DSCAM: variants seen among roughly 807,000 people sequenced by gnomAD.
DSCAM encodes the protein cell adhesion molecule DSCAM.
DSCAM carries 47 observed loss-of-function variants against 217.7 expected under a neutral mutation model. The observed-to-expected ratio is 0.22, with a 90% CI of 0.17 to 0.28. The LOEUF is 0.28. DSCAM is among the 10% of genes least tolerant of loss of function. DSCAM has a pLI of 1.00. For missense variants in DSCAM, 2,080 were observed against 2,618.3 expected (o/e 0.79, Z 4.49); for synonymous variants, 1,056 against 1,015.3 (o/e 1.04, Z -0.76).
At chr21:40,498,311 A>T (rs1409519080) in intron 3 of DSCAM, among the ~76,000 whole-genome samples, 1 of 151,956 alleles carries the variant, frequency 6.6e-6, no homozygotes, top group African/African-American at 2.4e-5. Flanking sequence ...CCTCAGTTTG[A>T]TTATCTAAAA....
At chr21:40,298,360 C>T (rs1358805137) in intron 9 of DSCAM, among the ~76,000 whole-genome samples, 1 of 151,998 alleles carries the variant, frequency 6.6e-6, no homozygotes, top group Non-Finnish European at 1.5e-5. Context: ...GGATTACAGG[C>T]GTGAGCCACT....
intron 3 of DSCAM, among the ~76,000 whole-genome samples, chr21:40,662,360 C>G (rs751816727): frequency 1.1e-4 from 16 of 152,108 alleles, no homozygotes; most frequent in Non-Finnish European, 1.9e-4. Context: ...CTTGCTTAAA[C>G]AGCATGAGTT....
chr21:40,702,848 C>T (rs189968278), intron 2 of DSCAM, among the ~76,000 whole-genome samples: 1 of 152,180 alleles, frequency 6.6e-6, no homozygotes, highest in East Asian at 1.9e-4. Context: ...CATCTATATT[C>T]AGGTGACATT....
intron 3 of DSCAM, among the ~76,000 whole-genome samples, chr21:40,524,176 G>A (rs925508260): frequency 6.6e-6 from 1 of 152,028 alleles, no homozygotes; most frequent in Non-Finnish European, 1.5e-5. Context: ...AGAAAATTTA[G>A]ATCATGAGCA....
intron 2 of DSCAM, among the ~76,000 whole-genome samples, chr21:40,707,150 G>A (rs369470212): frequency 9.2e-5 from 14 of 152,164 alleles, no homozygotes; most frequent in African/African-American, 2.2e-4. Context: ...GGATTAATAC[G>A]CACAGATGGA....
intron 21 of DSCAM, 129 bp from the exon 22 acceptor site, chr21:40,087,416 CA>C: frequency 1.5e-6 from 1 of 678,476 alleles, no homozygotes; most frequent in Non-Finnish European, 2.7e-6. Flanking sequence ...CAACTGTCAA[CA>C]CTACTCTCTG....
intron 3 of DSCAM, among the ~76,000 whole-genome samples, chr21:40,641,744 T>A (rs564814208): frequency 2.0e-5 from 3 of 152,164 alleles, no homozygotes; most frequent in Non-Finnish European, 4.4e-5. Context: ...TACACACTGA[T>A]AAAAGCCAAG....
intron 3 of DSCAM, among the ~76,000 whole-genome samples, chr21:40,504,445 G>A (rs1206053154): frequency 1.3e-5 from 2 of 152,140 alleles, no homozygotes; most frequent in Admixed American, 6.5e-5. Flanking sequence ...CAGTCCACCT[G>A]TCACTGAGAA....
intron 3 of DSCAM, among the ~76,000 whole-genome samples, chr21:40,374,739 G>A (rs1403147964): frequency 2.0e-5 from 3 of 152,168 alleles, no homozygotes. Flanking sequence ...TGATTATAAG[G>A]GTGGGACCAG....
At chr21:40,446,417 G>A (rs910501818) in intron 3 of DSCAM, among the ~76,000 whole-genome samples, 1 of 152,168 alleles carries the variant, frequency 6.6e-6, no homozygotes, top group African/African-American at 2.4e-5. Context: ...CATCTTGGAT[G>A]TTGTCAGTGG....
At chr21:40,457,263 G>A (rs2075771347) in intron 3 of DSCAM, among the ~76,000 whole-genome samples, 1 of 152,204 alleles carries the variant, frequency 6.6e-6, no homozygotes, top group Non-Finnish European at 1.5e-5. Context: ...TGTAACCTCA[G>A]CACTTCGGAA....
intron 3 of DSCAM, among the ~76,000 whole-genome samples, chr21:40,406,305 T>C (rs1350563147): frequency 6.6e-6 from 1 of 152,220 alleles, no homozygotes; most frequent in Non-Finnish European, 1.5e-5. Context: ...AGTTGGTATT[T>C]ATCCAAAGGA....
chr21:40,483,437 T>A (rs1201572369), intron 3 of DSCAM, among the ~76,000 whole-genome samples: 1 of 152,210 alleles, frequency 6.6e-6, no homozygotes, highest in African/African-American at 2.4e-5. Flanking sequence ...GGCTTGGTTT[T>A]AGTGTCACTG....
chr21:40,101,313 C>A (rs536212746), intron 20 of DSCAM, among the ~76,000 whole-genome samples: 5 of 152,324 alleles, frequency 3.3e-5, no homozygotes, highest in South Asian at 2.1e-4. Flanking sequence ...TTAATCACTT[C>A]TCAATTGAAA....
At chr21:40,468,569 T>A (rs2075863306) in intron 3 of DSCAM, among the ~76,000 whole-genome samples, 2 of 151,858 alleles carry the variant, frequency 1.3e-5, no homozygotes, top group Admixed American at 1.3e-4. Context: ...GGTTTTGGGG[T>A]TTGGAGTGGG....
chr21:40,420,944 T>A (rs1269584724), intron 3 of DSCAM, among the ~76,000 whole-genome samples: 2 of 152,172 alleles, frequency 1.3e-5, no homozygotes, highest in Non-Finnish European at 2.9e-5. Flanking sequence ...TTTCTTTCGC[T>A]GTAAGCCACT....
At chr21:40,423,433 A>C (rs948997451) in intron 3 of DSCAM, among the ~76,000 whole-genome samples, 1 of 152,202 alleles carries the variant, frequency 6.6e-6, no homozygotes, top group African/African-American at 2.4e-5. Flanking sequence ...CCCAAGGGGA[A>C]GGAGGGCACT....
chr21:40,232,104 G>A (rs193116236), intron 11 of DSCAM, among the ~76,000 whole-genome samples: 12 of 152,246 alleles, frequency 7.9e-5, no homozygotes, highest in Admixed American at 5.2e-4. Context: ...AACAGTGCAT[G>A]TTTACAGAAT....
At chr21:40,668,423 A>C (rs1479308921) in intron 3 of DSCAM, among the ~76,000 whole-genome samples, 1 of 152,238 alleles carries the variant, frequency 6.6e-6, no homozygotes, top group East Asian at 1.9e-4. Flanking sequence ...GCTGGAGCCC[A>C]AGCCCAGACC....
Sources: allele counts gnomAD v4.1 joint callset (sites outside exome capture counted in the v4.1 genomes callset), GRCh38; gene constraint gnomAD v4.1.1; transcripts MANE v1.5; gene names NCBI Gene and HGNC (gene_info 2026-07-23, HGNC 2026-07-21).